TTLL11: variants seen among roughly 807,000 people sequenced by gnomAD.
The protein encoded by TTLL11 is tubulin polyglutamylase TTLL11.
A neutral mutation model predicts 51.7 loss-of-function variants in TTLL11; 42 were observed. That is an observed-to-expected ratio of 0.81 (90% CI 0.64 to 1.05). The LOEUF (loss-of-function observed/expected upper bound fraction) is 1.05, where lower values mean the gene tolerates loss of function less well. Among genes scored for constraint, TTLL11 ranks in the 50% least tolerant of loss-of-function variants. The pLI, the probability that TTLL11 is intolerant of heterozygous loss-of-function variation, is 0.00. For synonymous variants in TTLL11, 381 were observed against 383.5 expected, an observed-to-expected ratio of 0.99 and a Z score of 0.08; for missense variants, 799 against 940.4, an observed-to-expected ratio of 0.85 and a Z score of 1.97.
rs532494794 is a variant in TTLL11 at position 122,031,330 on chromosome 9, C to G, written c.693+393G>C. ...CCTGCTCCCTGGCCTTTAAACAGAGCCTGACCTCCCACATCTCAGGCCACA... is the reference window on the plus strand; with the variant it reads ...CCTGCTCCCTGGCCTTTAAACAGAGGCTGACCTCCCACATCTCAGGCCACA... On this transcript the variant is annotated intron_variant, in intron 3 of 8. Coordinates refer to ENST00000321582, the MANE Select transcript of TTLL11 (RefSeq NM_001139442.2). Among the ~76,000 whole-genome samples the G allele has an allele frequency of 4.6e-5, 7 of 152,242 alleles. No homozygotes were observed. In the South Asian group the frequency reaches 1.5e-3, roughly 32 times the overall value.
intron 7 of TTLL11, among the ~76,000 whole-genome samples, chr9:121,866,051 A>T (rs1461892212): frequency 6.6e-6 from 1 of 152,232 alleles, no homozygotes; most frequent in East Asian, 1.9e-4. Flanking sequence ...AGAACAGATG[A>T]AAAGCAAGTT....
chr9:121,981,813 T>C (rs1469093782), intron 4 of TTLL11, among the ~76,000 whole-genome samples: 8 of 152,212 alleles, frequency 5.3e-5, no homozygotes, highest in South Asian at 2.1e-4. Context: ...CAGAACTTCT[T>C]TGGAGACTCC....
At chr9:121,862,961 G>A (rs1375281900) in intron 7 of TTLL11, among the ~76,000 whole-genome samples, 1 of 152,050 alleles carries the variant, frequency 6.6e-6, no homozygotes, top group Non-Finnish European at 1.5e-5. Flanking sequence ...TAATGACAGT[G>A]GCTGGGCATG....
chr9:122,059,906 C>T lies in TTLL11; in HGVS notation c.463-20538G>A, dbSNP rs140207086. ...AGATCCTTATTTTCCTCCTAGCTGTCAGCCAGGGACCACACTCAGCAACTA... is the reference window on the plus strand; with the variant it reads ...AGATCCTTATTTTCCTCCTAGCTGTTAGCCAGGGACCACACTCAGCAACTA... On this transcript the variant is annotated intron_variant, in intron 1 of 8. Coordinates refer to ENST00000321582, the MANE Select transcript of TTLL11 (RefSeq NM_001139442.2). 9.1e-3 allele frequency among the ~76,000 whole-genome samples: 1,393 copies of T among 152,296 alleles called. 18 individuals carry two copies. Among genetic ancestry groups the T allele is most frequent in the Non-Finnish European group, 0.013 (908 of 68,018 alleles).
chr9:121,881,500 T>G (rs958002453), intron 6 of TTLL11, among the ~76,000 whole-genome samples: 1 of 152,220 alleles, frequency 6.6e-6, no homozygotes, highest in Non-Finnish European at 1.5e-5. Flanking sequence ...CTGCACACTT[T>G]GTTAATTTCA....
chr9:121,851,642 A>G (rs1438539486), intron 8 of TTLL11, among the ~76,000 whole-genome samples: 1 of 152,222 alleles, frequency 6.6e-6, no homozygotes. Flanking sequence ...CAGCCTGAGC[A>G]CTGCAGGGGC....
At chr9:122,082,273 G>T (rs1220684833) in intron 1 of TTLL11, among the ~76,000 whole-genome samples, 1 of 152,180 alleles carries the variant, frequency 6.6e-6, no homozygotes, top group Non-Finnish European at 1.5e-5. Context: ...GGAGGCCAAG[G>T]GAGGCAGATC....
rs1839570517 is a variant in TTLL11 at position 121,897,484 on chromosome 9, T to C, written c.1482-26736A>G. The stretch of plus-strand genomic sequence containing the variant: ...CCTCATCAGTGCTCCGGCCATCATC[T>C]CTGCGATGACTCCAGATTGATCTAA... On this transcript the variant is annotated intron_variant, in intron 6 of 8. Coordinates refer to ENST00000321582, the MANE Select transcript of TTLL11 (RefSeq NM_001139442.2). Among the ~76,000 whole-genome samples the C allele has an allele frequency of 2.6e-5, 4 of 152,244 alleles. No individual in the cohort carries two copies. In the South Asian group the frequency reaches 8.3e-4, roughly 32 times the overall value.
At chr9:122,045,451 T>G (rs1844976658) in intron 1 of TTLL11, among the ~76,000 whole-genome samples, 1 of 152,052 alleles carries the variant, frequency 6.6e-6, no homozygotes, top group Admixed American at 6.5e-5. Context: ...CTTGGGAGGC[T>G]GAGGCAGGAG....
intron 1 of TTLL11, among the ~76,000 whole-genome samples, chr9:122,057,682 G>A (rs932613602): frequency 1.6e-4 from 25 of 152,098 alleles, no homozygotes; most frequent in African/African-American, 5.6e-4. Flanking sequence ...AAGTCACTTG[G>A]AAAGGCCCTG....
chr9:121,925,121 T>A (rs1165116227), intron 6 of TTLL11, among the ~76,000 whole-genome samples: 1 of 152,114 alleles, frequency 6.6e-6, no homozygotes, highest in East Asian at 1.9e-4. Context: ...TGTTTAGGGA[T>A]CTCTAATGTC....
chr9:121,908,632 G>T (rs1423949873), intron 6 of TTLL11, among the ~76,000 whole-genome samples: 1 of 152,160 alleles, frequency 6.6e-6, no homozygotes, highest in Admixed American at 6.5e-5. Flanking sequence ...CTCTTCATTT[G>T]TTTGTCCATC....
chr9:121,989,351 G>A lies in TTLL11; in HGVS notation c.1113C>T (p.Ile371=), dbSNP rs1407302920. ...CGCCTTTGGAAGACAGTCTACAAAG[G>A]ATGCTGGAAAAAGTCCTTTTGCTGC... The part of the protein sequence containing the change: ...STGSKRTFSS[I]LCRLSSKGVD... Residue 371 remains isoleucine, a synonymous_variant, in exon 4 of 9, where the codon ATC becomes ATT. Coordinates refer to ENST00000321582, the MANE Select transcript of TTLL11 (RefSeq NM_001139442.2). The surrounding 1 kb of genome is among the most constrained non-coding windows in gnomAD (Gnocchi z 4.2). 4 of 1,614,082 alleles carry A rather than the reference G, an allele frequency of 2.5e-6. No homozygotes were observed. The highest frequency in any genetic ancestry group is 2.7e-5 in the African/African-American group (2 of 74,912).
chr9:121,954,701 C>A (rs202022503), intron 6 of TTLL11, among the ~76,000 whole-genome samples: 1 of 114,572 alleles, frequency 8.7e-6, no homozygotes, highest in African/African-American at 2.9e-5. Flanking sequence ...CACACACAGA[C>A]ACACACACAC....
At chr9:121,939,183 CT>C (rs1375502974) in intron 6 of TTLL11, among the ~76,000 whole-genome samples, 1 of 152,094 alleles carries the variant, frequency 6.6e-6, no homozygotes, top group Non-Finnish European at 1.5e-5. Flanking sequence ...ATAATATTTC[CT>C]TTAATAAACC....
chr9:121,938,779 C>T (rs1266077000), intron 6 of TTLL11, among the ~76,000 whole-genome samples: 1 of 136,972 alleles, frequency 7.3e-6, no homozygotes, highest in East Asian at 1.9e-4. Context: ...GATTGGCAAA[C>T]ATTTGATAAG....
At chr9:121,869,512 T>G (rs751421908) in intron 7 of TTLL11, among the ~76,000 whole-genome samples, 1 of 152,236 alleles carries the variant, frequency 6.6e-6, no homozygotes, top group African/African-American at 2.4e-5. Flanking sequence ...CCATTCATAT[T>G]TGTTAAAGGG....
At chr9:121,934,484 G>A (rs1457631304) in intron 6 of TTLL11, among the ~76,000 whole-genome samples, 1 of 152,176 alleles carries the variant, frequency 6.6e-6, no homozygotes, top group African/African-American at 2.4e-5. Context: ...CGGCAGATAG[G>A]AGTTTTCAGA....
intron 8 of TTLL11, among the ~76,000 whole-genome samples, chr9:121,836,061 G>A (rs74416176): frequency 0.013 from 2,002 of 152,310 alleles, 54 homozygotes; most frequent in African/African-American, 0.046. Flanking sequence ...CTTAATATGT[G>A]TCAGGCACTG....
Sources: allele counts gnomAD v4.1 joint callset (sites outside exome capture counted in the v4.1 genomes callset), GRCh38; gene constraint gnomAD v4.1.1; non-coding constraint Gnocchi (gnomAD v3.1); transcripts MANE v1.5; gene names NCBI Gene and HGNC (gene_info 2026-07-23, HGNC 2026-07-21).